LRRC4C: variants seen among roughly 807,000 people sequenced by gnomAD.
LRRC4C encodes the protein leucine rich repeat containing 4C, also known as leucine-rich repeat-containing protein 4C.
In LRRC4C, 5 loss-of-function variants were observed where a neutral mutation model predicts 33.6. The ratio of observed to expected loss-of-function variants is 0.15; its 90% CI spans 0.08 to 0.31. The LOEUF (loss-of-function observed/expected upper bound fraction) is 0.31. LRRC4C is among the 10% of genes least tolerant of loss of function. The pLI is 1.00. For missense variants in LRRC4C, 560 were observed against 796.7 expected (o/e 0.70, Z 3.58); for synonymous variants, 329 against 302.0 (o/e 1.09, Z -0.93).
At chr11:40,346,695 C>A (rs1482801187) in intron 3 of LRRC4C, among the ~76,000 whole-genome samples, 2 of 152,158 alleles carry the variant, frequency 1.3e-5, no homozygotes, top group Non-Finnish European at 2.9e-5. Flanking sequence ...TGCCCCTGAA[C>A]TTAAAATAAA....
chr11:40,773,333 A>G (rs1457348024), intron 2 of LRRC4C, among the ~76,000 whole-genome samples: 1 of 152,118 alleles, frequency 6.6e-6, no homozygotes, highest in Non-Finnish European at 1.5e-5. Context: ...TTTATTATAC[A>G]TTTAAAAATA....
chr11:41,073,246 C>G (rs1938847152), intron 1 of LRRC4C, among the ~76,000 whole-genome samples: 1 of 152,052 alleles, frequency 6.6e-6, no homozygotes, highest in Non-Finnish European at 1.5e-5. Flanking sequence ...TCAGGATGCT[C>G]CCACTCACAG....
At chr11:40,542,329 G>A (rs945452980) in intron 3 of LRRC4C, among the ~76,000 whole-genome samples, 1 of 152,000 alleles carries the variant, frequency 6.6e-6, no homozygotes, top group Non-Finnish European at 1.5e-5. Context: ...ATTGGCTTCT[G>A]GACTATAGTA....
chr11:41,302,041 A>G (rs1408332240), intron 1 of LRRC4C, among the ~76,000 whole-genome samples: 9 of 152,206 alleles, frequency 5.9e-5, no homozygotes, highest in Admixed American at 3.3e-4. Flanking sequence ...TTGATCCTGT[A>G]ATATAATGTA....
intron 1 of LRRC4C, among the ~76,000 whole-genome samples, chr11:41,361,663 G>A (rs1216957216): frequency 6.6e-6 from 1 of 152,134 alleles, no homozygotes; most frequent in African/African-American, 2.4e-5. Flanking sequence ...AAAATATATG[G>A]TTAATAGGAT....
chr11:40,600,337 G>A (rs1449334492), intron 3 of LRRC4C, among the ~76,000 whole-genome samples: 2 of 152,106 alleles, frequency 1.3e-5, no homozygotes, highest in African/African-American at 4.8e-5. Context: ...AGTTAACTGA[G>A]GCTTACAGAG....
intron 3 of LRRC4C, among the ~76,000 whole-genome samples, chr11:40,627,713 A>G (rs1963084984): frequency 6.6e-6 from 1 of 152,068 alleles, no homozygotes; most frequent in African/African-American, 2.4e-5. Flanking sequence ...AAGAGAATAC[A>G]ATTTCTTATC....
In LRRC4C at chr11:40,277,352, A is replaced by T. The variant is rs77494033; in HGVS notation, c.-175-35754T>A. 4.7e-3 allele frequency among the ~76,000 whole-genome samples: 720 copies of T among 152,236 alleles called. 9 individuals are homozygous for T. The highest frequency in any genetic ancestry group is 0.017 in the African/African-American group (691 of 41,568). ...TATTTAAAATAAGTGATGCATAAAA[A>T]GTTTTACTTTCAAATATCCAGAGTT... On this transcript the variant is annotated intron_variant, in intron 4 of 6. Transcript: ENST00000528697.
At chr11:40,315,520 T>G (rs1274184063) in intron 4 of LRRC4C, among the ~76,000 whole-genome samples, 1 of 151,988 alleles carries the variant, frequency 6.6e-6, no homozygotes, top group Non-Finnish European at 1.5e-5. Flanking sequence ...AAATTTAAAA[T>G]TAATATTATG....
chr11:40,668,730 C>T (rs1325350911), intron 2 of LRRC4C, among the ~76,000 whole-genome samples: 1 of 152,140 alleles, frequency 6.6e-6, no homozygotes, highest in African/African-American at 2.4e-5. Context: ...TTCAATCTTA[C>T]TTGTATTTAA....
intron 1 of LRRC4C, among the ~76,000 whole-genome samples, chr11:41,287,228 G>T (rs1442530380): frequency 6.6e-6 from 1 of 152,132 alleles, no homozygotes; most frequent in African/African-American, 2.4e-5. Context: ...AGTTTGTCAT[G>T]ATCTGGTTAT....
Position 41,192,398 on chromosome 11 carries a change from T to TACAC in LRRC4C, c.-495-258679_-495-258676dup, listed in dbSNP as rs148065178. On this transcript the variant is annotated intron_variant, in intron 1 of 6. Coordinates refer to ENST00000528697, the MANE Select transcript of LRRC4C (RefSeq NM_001258419.2). The stretch of plus-strand genomic sequence containing the variant: ...ACAACAGGGCTAATCAAGAAGATCA[T>TACAC]ACACACACACACACACACACACACA... Among the ~76,000 whole-genome samples, 396 of 145,888 alleles carry TACAC rather than the reference T, an allele frequency of 2.7e-3. 2 individuals carry two copies. The highest frequency in any genetic ancestry group is 3.2e-3 in the Non-Finnish European group (212 of 66,312).
chr11:41,279,424 A>ACCCC (rs1227274322), intron 1 of LRRC4C, among the ~76,000 whole-genome samples: 64 of 128,702 alleles, frequency 5.0e-4, no homozygotes, highest in Admixed American at 3.1e-3. Context: ...ACACACACAC[A>ACCCC]CACACCGTGG....
At chr11:40,984,893 C>T (rs1173841079) in intron 1 of LRRC4C, among the ~76,000 whole-genome samples, 48 of 52,260 alleles carry the variant, frequency 9.2e-4, no homozygotes, top group Admixed American at 1.8e-3. Context: ...CTCACTGACA[C>T]TTTTTTTTTT....
At chr11:40,433,786 G>A (rs891077716) in intron 3 of LRRC4C, among the ~76,000 whole-genome samples, 5 of 152,162 alleles carry the variant, frequency 3.3e-5, no homozygotes, top group African/African-American at 9.7e-5. Context: ...GGGAAGATGA[G>A]GTTTATGAGG....
At chr11:41,059,419 T>C (rs1303188517) in intron 1 of LRRC4C, among the ~76,000 whole-genome samples, 2 of 152,062 alleles carry the variant, frequency 1.3e-5, no homozygotes, top group African/African-American at 2.4e-5. Context: ...CTCCAGAAGA[T>C]GGCTGATAGA....
chr11:41,431,789 C>A (rs1955245882), intron 1 of LRRC4C, among the ~76,000 whole-genome samples: 2 of 152,112 alleles, frequency 1.3e-5, no homozygotes, highest in Non-Finnish European at 2.9e-5. Context: ...TACTTAGTGG[C>A]ACTACCTTAT....
chr11:40,813,313 A>C (rs943615516), intron 2 of LRRC4C, among the ~76,000 whole-genome samples: 1 of 152,204 alleles, frequency 6.6e-6, no homozygotes, highest in Admixed American at 6.5e-5. Flanking sequence ...CCTCATAATC[A>C]TGGCGGAAGG....
At chr11:40,713,407 A>G (rs1018929992) in intron 2 of LRRC4C, among the ~76,000 whole-genome samples, 8 of 152,144 alleles carry the variant, frequency 5.3e-5, no homozygotes, top group Non-Finnish European at 4.4e-5. Context: ...TTCCTCTTAC[A>G]TATTCACTGG....
Sources: allele counts gnomAD v4.1 joint callset (sites outside exome capture counted in the v4.1 genomes callset), GRCh38; gene constraint gnomAD v4.1.1; transcripts MANE v1.5; gene names NCBI Gene and HGNC (gene_info 2026-07-23, HGNC 2026-07-21).